IL1RAPL1: variants seen among roughly 807,000 people sequenced by gnomAD.
IL1RAPL1 encodes interleukin 1 receptor accessory protein like 1.
Under a neutral mutation model 48.4 loss-of-function variants are expected in IL1RAPL1, and 3 were observed. The ratio of observed to expected loss-of-function variants is 0.06; its 90% CI spans 0.03 to 0.16. The LOEUF is 0.16. IL1RAPL1 is among the 10% of genes least tolerant of loss of function. The probability of loss-of-function intolerance (pLI) is 1.00; values close to 1 mark genes in which losing one functional copy is unlikely to be tolerated. For synonymous variants in IL1RAPL1, 185 were observed against 187.7 expected, an observed-to-expected ratio of 0.99 and a Z score of 0.12; for missense variants, 349 against 530.6, an observed-to-expected ratio of 0.66 and a Z score of 3.36.
intron 3 of IL1RAPL1, among the ~76,000 whole-genome samples, chrX:29,333,967 G>A (rs1321696763): frequency 7.4e-4 from 63 of 85,098 alleles, no homozygotes; most frequent in African/African-American, 2.6e-3. Flanking sequence ...GGCTGGCCGG[G>A]CGGGGGGCTG....
chrX:29,786,018 A>T (rs1929487323), intron 6 of IL1RAPL1, among the ~76,000 whole-genome samples: 1 of 7,810 alleles, frequency 1.3e-4, no homozygotes, highest in African/African-American at 4.8e-4. Flanking sequence ...TTTTTTAAAA[A>T]GGCGGGCGGG....
chrX:29,665,477 C>G (rs142404243), intron 5 of IL1RAPL1, among the ~76,000 whole-genome samples: 2 of 112,492 alleles, frequency 1.8e-5, no homozygotes, highest in Non-Finnish European at 3.8e-5. Flanking sequence ...TTTTCCAGTT[C>G]TGTGTTCTGT....
intron 2 of IL1RAPL1, among the ~76,000 whole-genome samples, chrX:29,204,874 C>G (rs892534574): frequency 8.1e-5 from 9 of 111,492 alleles, no homozygotes; most frequent in Non-Finnish European, 1.3e-4. Context: ...GAAATTCATT[C>G]TTGGGTTGTA....
intron 6 of IL1RAPL1, among the ~76,000 whole-genome samples, chrX:29,911,881 G>A (rs957483812): frequency 3.6e-5 from 4 of 111,318 alleles, no homozygotes; most frequent in African/African-American, 1.3e-4. Context: ...TCCCCCTATC[G>A]TCTTTTTCAA....
At chrX:29,064,134 A>G (rs1393116794) in intron 2 of IL1RAPL1, among the ~76,000 whole-genome samples, 1 of 111,897 alleles carries the variant, frequency 8.9e-6, no homozygotes, top group Non-Finnish European at 1.9e-5. Flanking sequence ...GCATAAACCA[A>G]TGAATGCCAG....
intron 5 of IL1RAPL1, among the ~76,000 whole-genome samples, chrX:29,458,653 A>G (rs1157332966): frequency 1.8e-5 from 2 of 111,873 alleles, no homozygotes; most frequent in African/African-American, 6.5e-5. Context: ...TCTCTTTATT[A>G]GGACATGCAG....
chrX:29,695,258 C>T (rs1926878668), intron 6 of IL1RAPL1, among the ~76,000 whole-genome samples: 1 of 111,375 alleles, frequency 9.0e-6, no homozygotes, highest in African/African-American at 3.3e-5. Context: ...CCCAAGGTCA[C>T]TAATTATTGG....
At chrX:29,481,663 G>A (rs1027296448) in intron 5 of IL1RAPL1, among the ~76,000 whole-genome samples, 5 of 111,889 alleles carry the variant, frequency 4.5e-5, no homozygotes, top group African/African-American at 1.3e-4. Context: ...TTTGTGGGCA[G>A]AGCTGTTAAA....
chrX:29,112,938 T>A (rs1361744770), intron 2 of IL1RAPL1, among the ~76,000 whole-genome samples: 1 of 109,562 alleles, frequency 9.1e-6, no homozygotes, highest in Non-Finnish European at 1.9e-5. Flanking sequence ...GTAGCTACGA[T>A]TACAAGCGTG....
intron 2 of IL1RAPL1, among the ~76,000 whole-genome samples, chrX:28,841,886 A>G (rs192983278): frequency 1.3e-4 from 14 of 111,195 alleles, no homozygotes; most frequent in Middle Eastern, 4.7e-3. Flanking sequence ...TATTTTAAGT[A>G]GAGATTCTTA....
chrX:29,904,859 A>ATGAT (rs1932576210), intron 6 of IL1RAPL1, among the ~76,000 whole-genome samples: 1 of 112,110 alleles, frequency 8.9e-6, no homozygotes, highest in Middle Eastern at 4.6e-3. Flanking sequence ...TTATAGTAGA[A>ATGAT]TGATTTATAA....
chrX:29,671,657 A>AT (rs1926145787), intron 6 of IL1RAPL1, among the ~76,000 whole-genome samples: 1 of 111,666 alleles, frequency 9.0e-6, no homozygotes, highest in Non-Finnish European at 1.9e-5. Context: ...GAGCCTGAGT[A>AT]TTTTTTCAGG....
Position 29,947,771 on chromosome X carries a change from G to T in IL1RAPL1, c.1201+5977G>T, listed in dbSNP as rs747113569. 4.0e-3 allele frequency among the ~76,000 whole-genome samples: 392 copies of T among 98,490 alleles called. 4 individuals are homozygous for T. Among genetic ancestry groups the T allele is most frequent in the Middle Eastern group, 0.025 (5 of 203 alleles). 85.5% of individuals were successfully genotyped at this position (98,490 alleles called of 115,157 possible). A position where few individuals can be genotyped will look rare whatever the true frequency, so the allele number is the denominator to read the frequency against. On this transcript the variant is annotated intron_variant, in intron 9 of 10. Transcript: ENST00000378993. ...TTTGGTGTTTTTTTTTTTTTTTGGT[G>T]GGGGGGTGGGTGGTGGTGGTAGTTA...
intron 8 of IL1RAPL1, among the ~76,000 whole-genome samples, chrX:29,931,428 A>G (rs950580122): frequency 1.8e-5 from 2 of 111,719 alleles, no homozygotes; most frequent in Non-Finnish European, 3.8e-5. Flanking sequence ...ATAAACTATT[A>G]CCAACAAATT....
intron 1 of IL1RAPL1, among the ~76,000 whole-genome samples, chrX:28,753,267 A>G (rs963470659): frequency 6.2e-5 from 7 of 112,498 alleles, no homozygotes; most frequent in Non-Finnish European, 1.1e-4. Context: ...ATGTAAAGAA[A>G]GGAACTACTA....
chrX:29,279,350 C>T (rs1402727838), intron 2 of IL1RAPL1, among the ~76,000 whole-genome samples: 2 of 110,623 alleles, frequency 1.8e-5, no homozygotes, highest in African/African-American at 6.6e-5. Flanking sequence ...GCAGGAGAAT[C>T]GCTTGAACCT....
chrX:29,462,792 A>G, intron 5 of IL1RAPL1, among the ~76,000 whole-genome samples: 1 of 112,106 alleles, frequency 8.9e-6, no homozygotes, highest in Middle Eastern at 4.6e-3. Context: ...CAGTACAGAG[A>G]AAATGAATGG....
rs375534699 is a variant in IL1RAPL1, at chrX:29,614,850, A to G, written c.704-53580A>G. On this transcript the variant is annotated intron_variant, in intron 5 of 10. Coordinates refer to ENST00000378993, the MANE Select transcript of IL1RAPL1 (RefSeq NM_014271.4). ...CATTTTCTTAAGAATATTCTTTACA[A>G]TAGTGAGGCTGAGGCAGGAGAATGG... 3.6e-5 allele frequency among the ~76,000 whole-genome samples: 4 copies of G among 111,532 alleles called. No individual in the cohort carries two copies. In the East Asian group the frequency reaches 8.4e-4, roughly 24 times the overall value.
At chrX:29,174,963 A>G (rs1277653278) in intron 2 of IL1RAPL1, among the ~76,000 whole-genome samples, 1 of 108,661 alleles carries the variant, frequency 9.2e-6, no homozygotes, top group Admixed American at 9.9e-5. Context: ...AGTCCCAGCT[A>G]CTTGGGAGGC....
Sources: gnomAD v4.1 joint callset for allele counts (sites outside exome capture counted in the v4.1 genomes callset) on GRCh38, gnomAD v4.1.1 for gene constraint, MANE v1.5 for transcripts, NCBI Gene and HGNC (gene_info 2026-07-23, HGNC 2026-07-21) for gene names.